The following PYROXD1 variants were observed in gnomAD, a reference collection of about 807,000 sequenced individuals.
PYROXD1 encodes pyridine nucleotide-disulphide oxidoreductase domain 1.
Under a neutral mutation model 62.0 loss-of-function variants are expected in PYROXD1, and 42 were observed. The observed-to-expected ratio is 0.68, with a 90% CI of 0.53 to 0.88. PYROXD1 has a LOEUF of 0.88. PYROXD1 is among the 40% of genes least tolerant of loss of function. The probability of loss-of-function intolerance (pLI) is 0.00; values close to 1 mark genes in which losing one functional copy is unlikely to be tolerated. For synonymous variants in PYROXD1, 170 were observed against 206.4 expected, an observed-to-expected ratio of 0.82 and a Z score of 1.51; for missense variants, 493 against 604.8, an observed-to-expected ratio of 0.82 and a Z score of 1.94.
intron 3 of PYROXD1, chr12:21,447,534 T>C (rs1289389949): frequency 6.1e-6 from 1 of 164,172 alleles, no homozygotes; most frequent in Non-Finnish European, 1.5e-5. Context: ...TCTTATCCAT[T>C]GTCCTTTACA....
At chr12:21,439,316 A>G (rs891474717) in intron 1 of PYROXD1, among the ~76,000 whole-genome samples, 2 of 152,230 alleles carry the variant, frequency 1.3e-5, no homozygotes, top group African/African-American at 4.8e-5. Context: ...TGGAGAGCCA[A>G]TTCGAAGGTG....
chr12:21,449,861 T>TC (rs201397770), intron 4 of PYROXD1, among the ~76,000 whole-genome samples, 170 bp downstream of exon 4: 3 of 38,198 alleles, frequency 7.9e-5, no homozygotes, highest in Admixed American at 5.5e-4. Flanking sequence ...TTTCTTTCTT[T>TC]TTTTTTTTTT....
At position 21,470,154 on chromosome 12, in the gene PYROXD1, C is replaced by G; in HGVS notation, c.*1400C>G. 6.2e-7 allele frequency: 1 copy of G among 1,605,900 alleles called. No homozygotes were observed. Among genetic ancestry groups the G allele is most frequent in the Non-Finnish European group, 8.5e-7 (1 of 1,175,972 alleles). Reference sequence around the variant, plus strand: ...CTACAAAAATAATGGCATATACATGCATAAACCATCTTTAATTAGAAAATT... The same window carrying G: ...CTACAAAAATAATGGCATATACATGGATAAACCATCTTTAATTAGAAAATT... On this transcript the variant is annotated 3_prime_UTR_variant, in exon 12 of 12. Coordinates refer to ENST00000240651, the MANE Select transcript of PYROXD1 (RefSeq NM_024854.5).
chr12:21,467,641 T>G, intron 11 of PYROXD1, 23 bp downstream of exon 11: 1 of 1,556,352 alleles, frequency 6.4e-7, no homozygotes, highest in Non-Finnish European at 8.8e-7. Flanking sequence ...AGCATATTAA[T>G]GCCTTCTCTG....
At chr12:21,446,196 G>C (rs1942383793) in intron 3 of PYROXD1, among the ~76,000 whole-genome samples, 1 of 152,178 alleles carries the variant, frequency 6.6e-6, no homozygotes, top group Non-Finnish European at 1.5e-5. Context: ...GGCTGAGGCA[G>C]GCGGATCATG....
At chr12:21,467,722 C>A in intron 11 of PYROXD1, 104 bp downstream of exon 11, 1 of 878,112 alleles carries the variant, frequency 1.1e-6, no homozygotes, top group African/African-American at 1.7e-5. Context: ...TAGTTTTAAT[C>A]ATCTACAAAA....
In PYROXD1 at chr12:21,445,421, T is replaced by A. The variant is rs200082072; in HGVS notation, c.240T>A (p.Ile80=). 1 of 1,608,604 alleles carries A rather than the reference T, an allele frequency of 6.2e-7. No individual in the cohort carries two copies. Among genetic ancestry groups the A allele is most frequent in the East Asian group, 2.2e-5 (1 of 44,738 alleles). The change falls in exon 3 of 12, where the codon ATT becomes ATA. Residue 80 remains isoleucine (I), a synonymous_variant. Coordinates refer to ENST00000240651, the MANE Select transcript of PYROXD1 (RefSeq NM_024854.5). ...STMLGKRFPN[I]KVIESGVKQL... is the part of the protein sequence containing the mutation. ...TGTTAGGAAAACGCTTTCCCAACAT[T>A]AAGGTTATAGAATCTGGCGTAAAGC...
intron 1 of PYROXD1, among the ~76,000 whole-genome samples, chr12:21,439,402 C>T (rs972695085): frequency 6.6e-6 from 1 of 151,996 alleles, no homozygotes; most frequent in African/African-American, 2.4e-5. Context: ...ACAGAATATA[C>T]AGAGGAAAGA....
At chr12:21,458,161 G>C (rs1311918033) in intron 7 of PYROXD1, among the ~76,000 whole-genome samples, 1 of 152,140 alleles carries the variant, frequency 6.6e-6, no homozygotes, top group Non-Finnish European at 1.5e-5. Context: ...AAAATCTACT[G>C]TTTAGTGTAG....
At position 21,437,859 on chromosome 12, in the gene PYROXD1, A is replaced by C. The variant is rs114087582; in HGVS notation, c.84+45A>C. 1.5e-3 allele frequency: 2,278 copies of C among 1,538,210 alleles called. 38 individuals carry two copies. The African/African-American group carries it at 0.028, about 19-fold the overall frequency. ...GTTCCGCCTCTTTCCCCGACCCCAAAGGGGATAGCACTGGAGGCCTTCCTC... is the reference window on the plus strand; with the variant it reads ...GTTCCGCCTCTTTCCCCGACCCCAACGGGGATAGCACTGGAGGCCTTCCTC... On this transcript the variant is annotated intron_variant, in intron 1 of 11. Coordinates refer to ENST00000240651, the MANE Select transcript of PYROXD1 (RefSeq NM_024854.5).
chr12:21,468,309 AGT>A (rs1565557185), intron 11 of PYROXD1, among the ~76,000 whole-genome samples, 195 bp from the exon 12 acceptor site: 1 of 152,056 alleles, frequency 6.6e-6, no homozygotes, highest in South Asian at 2.1e-4. Context: ...GTCAGTGTAG[AGT>A]GTGTGATAGT....
intron 2 of PYROXD1, among the ~76,000 whole-genome samples, chr12:21,443,875 G>A (rs1190732369): frequency 5.3e-5 from 8 of 152,164 alleles, no homozygotes; most frequent in Admixed American, 2.6e-4. Flanking sequence ...CTTAGGTATA[G>A]CCAAAGAGTT....
chr12:21,453,168 A>C (rs1942533004), intron 5 of PYROXD1, among the ~76,000 whole-genome samples: 1 of 152,126 alleles, frequency 6.6e-6, no homozygotes, highest in Admixed American at 6.5e-5. Flanking sequence ...CTCTCACCAA[A>C]GTATCACTTA....
intron 6 of PYROXD1, among the ~76,000 whole-genome samples, 188 bp from the exon 7 acceptor site, chr12:21,455,807 T>G (rs954381438): frequency 7.2e-5 from 11 of 152,098 alleles, no homozygotes; most frequent in Admixed American, 2.0e-4. Context: ...ACTGAAAGAT[T>G]ATCTGTTTTG....
At chr12:21,458,820 CAA>C (rs1215688780) in intron 7 of PYROXD1, among the ~76,000 whole-genome samples, 2 of 152,070 alleles carry the variant, frequency 1.3e-5, no homozygotes, top group African/African-American at 4.8e-5. Context: ...AGTAGTACAT[CAA>C]AGATTACTAA....
chr12:21,462,249 G>A, intron 9 of PYROXD1, 129 bp downstream of exon 9: 2 of 606,334 alleles, frequency 3.3e-6, no homozygotes, highest in South Asian at 4.4e-5. Context: ...GAAACAGTTT[G>A]GTTAAAACAT....
intron 5 of PYROXD1, among the ~76,000 whole-genome samples, chr12:21,453,716 G>C (rs1213832843): frequency 6.6e-6 from 1 of 151,948 alleles, no homozygotes; most frequent in Non-Finnish European, 1.5e-5. Flanking sequence ...AGGTGTCCTA[G>C]GAGGTAGAGC....
chr12:21,466,679 G>T (rs971607918), intron 10 of PYROXD1, among the ~76,000 whole-genome samples: 4 of 152,050 alleles, frequency 2.6e-5, no homozygotes, highest in Non-Finnish European at 4.4e-5. Context: ...GATTGCCCTG[G>T]CCAGAACTTC....
At chr12:21,452,057 C>T (rs750342897) in intron 4 of PYROXD1, 24 bp from the exon 5 acceptor site, 1 of 1,378,934 alleles carries the variant, frequency 7.3e-7, no homozygotes, top group Non-Finnish European at 1.0e-6. Flanking sequence ...AAAATACTAC[C>T]TCATTATTTT....
Sources: gnomAD v4.1 joint callset for allele counts (sites outside exome capture counted in the v4.1 genomes callset) on GRCh38, gnomAD v4.1.1 for gene constraint, MANE v1.5 for transcripts, NCBI Gene and HGNC (gene_info 2026-07-23, HGNC 2026-07-21) for gene names.